Variants in RYK observed in about 807,000 individuals in gnomAD.
RYK encodes receptor like tyrosine kinase.
In RYK, 21 loss-of-function variants were observed where a neutral mutation model predicts 70.2. That is an observed-to-expected ratio of 0.30 (90% confidence interval 0.21 to 0.43). RYK has a LOEUF of 0.43. RYK is among the 20% of genes least tolerant of loss of function. The pLI is 1.00. For synonymous variants in RYK, 267 were observed against 278.0 expected (o/e 0.96, Z 0.39); for missense variants, 604 against 753.3 (o/e 0.80, Z 2.32).
chr3:134,228,900 T>C (rs2014980923), intron 1 of RYK, among the ~76,000 whole-genome samples: 1 of 152,178 alleles, frequency 6.6e-6, no homozygotes, highest in African/African-American at 2.4e-5. Context: ...TATCACGTGA[T>C]GAATACACTA....
chr3:134,246,341 C>G (rs866247768), intron 1 of RYK, among the ~76,000 whole-genome samples: 3,741 of 130,102 alleles, frequency 0.029, 100 homozygotes, highest in East Asian at 0.099. Flanking sequence ...CACACACACA[C>G]ACAGAGAGAG....
At chr3:134,168,127 G>A (rs1417136281) in intron 13 of RYK, among the ~76,000 whole-genome samples, 1 of 152,214 alleles carries the variant, frequency 6.6e-6, no homozygotes, top group East Asian at 1.9e-4. Context: ...AACAACAGGT[G>A]ATGGAGAGGA....
intron 6 of RYK, among the ~76,000 whole-genome samples, chr3:134,202,059 T>G (rs2014044222): frequency 6.6e-6 from 1 of 152,210 alleles, no homozygotes; most frequent in Admixed American, 6.5e-5. Context: ...CTTTTATAAT[T>G]ACAGGTTAAT....
chr3:134,189,854 T>C (rs1227961740), intron 8 of RYK, among the ~76,000 whole-genome samples: 1 of 152,122 alleles, frequency 6.6e-6, no homozygotes, highest in East Asian at 1.9e-4. Flanking sequence ...TAGATTTTAT[T>C]ACCAATTTTG....
At chr3:134,204,400 G>A (rs188036162) in intron 5 of RYK, among the ~76,000 whole-genome samples, 89 of 152,172 alleles carry the variant, frequency 5.8e-4, no homozygotes, top group African/African-American at 2.0e-3. Flanking sequence ...TCGAGAGGCT[G>A]AGGCAGGAGA....
chr3:134,222,543 G>A lies in RYK; in HGVS notation c.233-4C>T, dbSNP rs116266774. 1.6e-5 allele frequency: 26 copies of A among 1,580,590 alleles called. No individual in the cohort carries two copies. The highest frequency in any genetic ancestry group is 8.6e-7 in the Non-Finnish European group (1 of 1,161,234). On this transcript the variant is annotated splice_polypyrimidine_tract_variant and splice_region_variant and intron_variant, in intron 1 of 14. Transcript: ENST00000623711. ...TAATAAAGTTCTGCATCAAGACCTA[G>A]AAAAAAATAGGAAAAAAATAATTAA...
At chr3:134,197,133 C>T (rs1204186455) in intron 6 of RYK, among the ~76,000 whole-genome samples, 2 of 152,128 alleles carry the variant, frequency 1.3e-5, no homozygotes, top group Non-Finnish European at 2.9e-5. Flanking sequence ...AGCAACTCTG[C>T]GAAGATACTT....
At chr3:134,169,600 T>C (rs753546122) in intron 13 of RYK, among the ~76,000 whole-genome samples, 1 of 152,218 alleles carries the variant, frequency 6.6e-6, no homozygotes. Flanking sequence ...AATCTGGACA[T>C]ACTGAAATAT....
Position 134,195,071 on chromosome 3 carries a change from T to A in RYK, c.889+11A>T. The A allele has an allele frequency of 1.9e-6, 3 of 1,585,284 alleles. No individual in the cohort carries two copies. Among genetic ancestry groups the A allele is most frequent in the Non-Finnish European group, 2.6e-6 (3 of 1,153,842 alleles). On this transcript the variant is annotated intron_variant, in intron 7 of 14. Transcript: ENST00000623711. ...TGAGTAAACTGGCTTTAGAATTAAA[T>A]TAACTCTTACTGGTGATAGGAGTTG...
At chr3:134,214,502 C>A (rs533984867) in intron 2 of RYK, among the ~76,000 whole-genome samples, 1 of 152,244 alleles carries the variant, frequency 6.6e-6, no homozygotes, top group South Asian at 2.1e-4. Flanking sequence ...AAGAAGGCAA[C>A]ATTACTGACA....
intron 14 of RYK, 66 bp from the exon 15 acceptor site, chr3:134,158,330 TTGATGCCAGTTA>T: frequency 1.1e-6 from 1 of 918,592 alleles, no homozygotes. Context: ...TTTGCTCAGT[TTGATGCCAGTTA>T]TGTTGCCTGT....
At chr3:134,226,266 T>G (rs572609726) in intron 1 of RYK, among the ~76,000 whole-genome samples, 1 of 152,076 alleles carries the variant, frequency 6.6e-6, no homozygotes, top group African/African-American at 2.4e-5. Flanking sequence ...ATAAACAACT[T>G]TGACAATAAA....
chr3:134,170,415 C>A (rs566667416), intron 13 of RYK: 1 of 152,134 alleles, frequency 6.6e-6, no homozygotes, highest in Non-Finnish European at 1.5e-5. Context: ...AGGCAGCTAG[C>A]GTGAGGCTGG....
chr3:134,172,220 G>A (rs1367012089), intron 13 of RYK, among the ~76,000 whole-genome samples: 1 of 151,772 alleles, frequency 6.6e-6, no homozygotes, highest in African/African-American at 2.4e-5. Flanking sequence ...AATCAACTAC[G>A]GAATAAAATT....
chr3:134,170,370 T>C (rs1344852586), intron 13 of RYK: 3 of 152,212 alleles, frequency 2.0e-5, no homozygotes, highest in Non-Finnish European at 4.4e-5. Flanking sequence ...AATTATGATG[T>C]TAAAGTAATT....
intron 3 of RYK, among the ~76,000 whole-genome samples, chr3:134,210,507 C>A (rs2107679122): frequency 6.6e-6 from 1 of 152,214 alleles, no homozygotes; most frequent in Middle Eastern, 3.4e-3. Context: ...CTTTACTGCC[C>A]ATAAAAATTT....
intron 2 of RYK, among the ~76,000 whole-genome samples, chr3:134,220,453 C>A (rs1215682347): frequency 6.6e-6 from 1 of 152,050 alleles, no homozygotes; most frequent in East Asian, 1.9e-4. Flanking sequence ...GGAAGGCAAA[C>A]AAGTATACTT....
chr3:134,203,013 A>G (rs758543183), intron 5 of RYK, 139 bp from the exon 6 acceptor site: 2 of 690,690 alleles, frequency 2.9e-6, no homozygotes, highest in Non-Finnish European at 4.8e-6. Flanking sequence ...TATTGGTGGA[A>G]GTTCACATAA....
intron 11 of RYK, among the ~76,000 whole-genome samples, chr3:134,176,507 G>C (rs1374702841): frequency 6.6e-6 from 1 of 152,228 alleles, no homozygotes; most frequent in Non-Finnish European, 1.5e-5. Context: ...GGAAGGCTGA[G>C]GTGGGAGGAT....
Sources: gnomAD v4.1 joint callset for allele counts (sites outside exome capture counted in the v4.1 genomes callset) on GRCh38, gnomAD v4.1.1 for gene constraint, MANE v1.5 for transcripts, NCBI Gene and HGNC (gene_info 2026-07-23, HGNC 2026-07-21) for gene names.